ASAP2: variants seen among roughly 807,000 people sequenced by gnomAD.
The protein encoded by ASAP2 is ArfGAP with SH3 domain, ankyrin repeat and PH domain 2.
ASAP2 carries 45 observed loss-of-function variants against 131.4 expected under a neutral mutation model. That is an observed-to-expected ratio of 0.34 (90% CI 0.27 to 0.44). The LOEUF (loss-of-function observed/expected upper bound fraction) is 0.44, where lower values mean the gene tolerates loss of function less well. Among genes scored for constraint, ASAP2 ranks in the 20% least tolerant of loss-of-function variants. The pLI is 1.00. For missense variants in ASAP2, 1,011 were observed against 1,297.0 expected, an observed-to-expected ratio of 0.78 and a Z score of 3.39; for synonymous variants, 510 against 503.0, an observed-to-expected ratio of 1.01 and a Z score of -0.19.
chr2:9,223,913 A>C (rs887009114), intron 1 of ASAP2, among the ~76,000 whole-genome samples: 7 of 152,352 alleles, frequency 4.6e-5, no homozygotes, highest in Middle Eastern at 3.4e-3. Flanking sequence ...TTGGTCATTA[A>C]GAATAGTCAA....
chr2:9,350,566 A>T (rs1422111278), intron 11 of ASAP2: 3 of 391,696 alleles, frequency 7.7e-6, no homozygotes, highest in Non-Finnish European at 1.4e-5. Flanking sequence ...CCTCTTGTCC[A>T]GGTGGGTTTG....
chr2:9,211,628 C>G (rs1459848937), intron 1 of ASAP2, among the ~76,000 whole-genome samples: 1 of 152,022 alleles, frequency 6.6e-6, no homozygotes, highest in Non-Finnish European at 1.5e-5. Context: ...CTTTGTTGTC[C>G]TTGGTTACCT....
intron 7 of ASAP2, among the ~76,000 whole-genome samples, chr2:9,332,563 T>G (rs112654989): frequency 1.9e-4 from 29 of 152,366 alleles, no homozygotes; most frequent in African/African-American, 6.3e-4. Context: ...GAGAAGTCTC[T>G]GAGCACTTGA....
At chr2:9,297,126 G>C (rs112410870) in intron 2 of ASAP2, among the ~76,000 whole-genome samples, 174 bp from the exon 3 acceptor site, 1 of 152,156 alleles carries the variant, frequency 6.6e-6, no homozygotes, top group Non-Finnish European at 1.5e-5. Context: ...TCTGTTGCCG[G>C]CACCACGGGT....
At chr2:9,219,695 T>C (rs1662286363) in intron 1 of ASAP2, among the ~76,000 whole-genome samples, 1 of 152,214 alleles carries the variant, frequency 6.6e-6, no homozygotes, top group Non-Finnish European at 1.5e-5. Flanking sequence ...AAAATTGAGA[T>C]AGAATTCACA....
chr2:9,239,703 G>A (rs765734125), intron 1 of ASAP2, among the ~76,000 whole-genome samples: 1 of 152,052 alleles, frequency 6.6e-6, no homozygotes, highest in Non-Finnish European at 1.5e-5. Context: ...TGTTGTCGTT[G>A]TTGTTGAAAC....
At chr2:9,246,077 C>G (rs1195493554) in intron 1 of ASAP2, among the ~76,000 whole-genome samples, 1 of 152,168 alleles carries the variant, frequency 6.6e-6, no homozygotes, top group East Asian at 1.9e-4. Context: ...CTGGCAGGAG[C>G]CCTGGTTTGG....
intron 1 of ASAP2, among the ~76,000 whole-genome samples, chr2:9,276,541 CTT>C (rs1191245865): frequency 6.6e-6 from 1 of 151,664 alleles, no homozygotes; most frequent in African/African-American, 2.4e-5. Context: ...TTTTTTTTCT[CTT>C]TTTTTTCTTT....
At position 9,401,331 on chromosome 2, in the gene ASAP2, G is replaced by A. The variant is rs1403922814; in HGVS notation, c.2881G>A (p.Asp961Asn). Reference sequence around the variant, plus strand: ...CTATAACTGTGTGGCTGACAACCCCGATGAGCTCACCTTCTCCGAGGGGGA... The same window carrying A: ...CTATAACTGTGTGGCTGACAACCCCAATGAGCTCACCTTCTCCGAGGGGGA... ...ALYNCVADNP[D>N]ELTFSEGDVI... The change falls in exon 27 of 28, where the codon GAT (aspartate) becomes AAT (asparagine). Residue 961 changes from aspartate to asparagine, a missense_variant. Asp to Asn is a conservative substitution (Grantham distance 23). Around this residue, in one of 2 missense-constraint regions of ASAP2, gnomAD observed 652 missense variants for 698.9 expected, o/e 0.93. Transcript: ENST00000281419. 7.4e-6 allele frequency: 12 copies of A among 1,613,538 alleles called. 1 individual carries two copies. The South Asian group carries it at 1.1e-4, about 15-fold the overall frequency.
chr2:9,208,359 G>T (rs1478843656), intron 1 of ASAP2, among the ~76,000 whole-genome samples: 1 of 127,360 alleles, frequency 7.9e-6, no homozygotes, highest in African/African-American at 2.9e-5. Flanking sequence ...GTGGGGGGGT[G>T]GGTGTCACCA....
intron 1 of ASAP2, among the ~76,000 whole-genome samples, chr2:9,225,383 A>G (rs1183923794): frequency 6.6e-6 from 1 of 152,194 alleles, no homozygotes; most frequent in Non-Finnish European, 1.5e-5. Flanking sequence ...GGCCCTGTTT[A>G]GACATTCTGC....
At chr2:9,274,930 A>G (rs1666651001) in intron 1 of ASAP2, among the ~76,000 whole-genome samples, 1 of 152,220 alleles carries the variant, frequency 6.6e-6, no homozygotes, top group Admixed American at 6.5e-5. Context: ...TTTATGCAGT[A>G]AATGATCAGG....
intron 11 of ASAP2, among the ~76,000 whole-genome samples, chr2:9,348,117 T>C (rs1214701222): frequency 7.4e-6 from 1 of 135,236 alleles, no homozygotes; most frequent in Non-Finnish European, 1.5e-5. Context: ...CTTTTTTGTC[T>C]GTTTGTTTGT....
rs1422485848 is a variant in ASAP2 at position 9,207,621 on chromosome 2, A to T, written c.126+391A>T. ...CCTTATCAACTTGTTCTTGAAGTGG[A>T]CCGGCGGGGGCAGCTCCGCGCTCCG... is the stretch of plus-strand genomic sequence containing the variant. On this transcript the variant is annotated intron_variant, in intron 1 of 27. Transcript: ENST00000281419. The surrounding 1 kb of genome is among the most constrained non-coding windows in gnomAD (Gnocchi z 4.1). 2.0e-5 allele frequency among the ~76,000 whole-genome samples: 3 copies of T among 151,884 alleles called. No individual in the cohort carries two copies. Among genetic ancestry groups the T allele is most frequent in the Non-Finnish European group, 4.4e-5 (3 of 67,938 alleles).
chr2:9,354,764 T>C (rs1016288430), intron 12 of ASAP2, among the ~76,000 whole-genome samples: 1 of 152,216 alleles, frequency 6.6e-6, no homozygotes, highest in African/African-American at 2.4e-5. Flanking sequence ...GCTTAGCCTC[T>C]CTAGGCTTCA....
chr2:9,373,416 A>G (rs889635718), intron 16 of ASAP2, among the ~76,000 whole-genome samples: 1 of 152,224 alleles, frequency 6.6e-6, no homozygotes, highest in East Asian at 1.9e-4. Context: ...GACGCTGGCA[A>G]GAGACCTCTG....
chr2:9,258,967 C>CA (rs1235551575), intron 1 of ASAP2, among the ~76,000 whole-genome samples: 3 of 152,156 alleles, frequency 2.0e-5, no homozygotes, highest in African/African-American at 7.2e-5. Flanking sequence ...GGATTGCAGC[C>CA]AGTTTCGCGG....
intron 2 of ASAP2, among the ~76,000 whole-genome samples, chr2:9,296,103 G>T (rs1668134949): frequency 6.6e-6 from 1 of 152,214 alleles, no homozygotes; most frequent in African/African-American, 2.4e-5. Flanking sequence ...GCTGTCTCTG[G>T]TGGAGTTCAC....
intron 27 of ASAP2, among the ~76,000 whole-genome samples, chr2:9,402,744 T>G (rs950572517): frequency 6.6e-6 from 1 of 152,164 alleles, no homozygotes. Context: ...CCTACATCAT[T>G]TACACTCTTG....
Sources: gnomAD v4.1 joint callset for allele counts (sites outside exome capture counted in the v4.1 genomes callset) on GRCh38, gnomAD v4.1.1 for gene constraint, gnomAD v4.1.1 regional missense constraint, Gnocchi (gnomAD v3.1) non-coding constraint, MANE v1.5 for transcripts, NCBI Gene and HGNC (gene_info 2026-07-23, HGNC 2026-07-21) for gene names.